The following CSNK1G1 variants were observed in gnomAD, a reference collection of about 807,000 sequenced individuals.
CSNK1G1 encodes the protein casein kinase 1 gamma 1, also known as casein kinase I isoform gamma-1.
In CSNK1G1, 22 loss-of-function variants were observed where a neutral mutation model predicts 59.6. The ratio of observed to expected loss-of-function variants is 0.37; its 90% CI spans 0.26 to 0.53. CSNK1G1 has a LOEUF of 0.53. Ranked by LOEUF, CSNK1G1 falls within the 20% of genes least tolerant of loss-of-function variation. The pLI is 0.89. For synonymous variants in CSNK1G1, 179 were observed against 177.1 expected (o/e 1.01, Z -0.08); for missense variants, 384 against 519.5 (o/e 0.74, Z 2.54).
At chr15:64,277,809 T>TAG (rs1275563591) in intron 2 of CSNK1G1, among the ~76,000 whole-genome samples, 1 of 132,116 alleles carries the variant, frequency 7.6e-6, no homozygotes, top group Non-Finnish European at 1.5e-5. Flanking sequence ...ATTTAATATA[T>TAG]TAATATTGAT....
At chr15:64,192,332 C>T (rs1446073837) in intron 10 of CSNK1G1, among the ~76,000 whole-genome samples, 3 of 152,190 alleles carry the variant, frequency 2.0e-5, no homozygotes, top group African/African-American at 7.2e-5. Flanking sequence ...GTGGTAACTC[C>T]TTGGGGGAAC....
intron 2 of CSNK1G1, among the ~76,000 whole-genome samples, chr15:64,273,778 A>G (rs996466510): frequency 4.6e-5 from 7 of 152,080 alleles, no homozygotes; most frequent in Admixed American, 3.3e-4. Flanking sequence ...AGAGTTTGCA[A>G]TTTTGTGTTG....
intron 4 of CSNK1G1, among the ~76,000 whole-genome samples, chr15:64,224,202 A>C (rs2082426975): frequency 6.6e-6 from 1 of 152,194 alleles, no homozygotes; most frequent in African/African-American, 2.4e-5. Flanking sequence ...AAATAGAATA[A>C]TTTTTCTCCC....
intron 1 of CSNK1G1, chr15:64,348,247 T>C (rs1267102935): frequency 1.3e-5 from 2 of 152,178 alleles, no homozygotes; most frequent in African/African-American, 4.8e-5. Context: ...TGGATACGTG[T>C]CATTATGCAT....
intron 6 of CSNK1G1, among the ~76,000 whole-genome samples, chr15:64,212,922 C>T (rs1355316634): frequency 6.6e-6 from 1 of 152,134 alleles, no homozygotes; most frequent in Non-Finnish European, 1.5e-5. Flanking sequence ...AGGAGAATTG[C>T]TTGAACCCGC....
In CSNK1G1 at chr15:64,315,031, T is replaced by C. The variant is rs1360638366; in HGVS notation, c.-224-14308A>G. ...CTGGATCATGTAGTAATTCTATTTT[T>C]AGTTTTTTGACAAACCTCCATACAG... On this transcript the variant is annotated intron_variant, in intron 1 of 11. Transcript: ENST00000303052. Among the ~76,000 whole-genome samples the C allele has an allele frequency of 2.6e-5, 4 of 152,352 alleles. No homozygotes were observed. In the East Asian group the frequency reaches 7.7e-4, roughly 29 times the overall value.
chr15:64,323,096 CT>C (rs111248356), intron 1 of CSNK1G1, among the ~76,000 whole-genome samples: 2,302 of 151,930 alleles, frequency 0.015, 53 homozygotes, highest in African/African-American at 0.046. Context: ...CTAATTTTTC[CT>C]TTTTTCTTTT....
chr15:64,175,998 A>G (rs1267604750), intron 11 of CSNK1G1, among the ~76,000 whole-genome samples: 1 of 152,246 alleles, frequency 6.6e-6, no homozygotes, highest in African/African-American at 2.4e-5. Flanking sequence ...CTCAGCTAAA[A>G]ATAGATAATT....
chr15:64,229,506 T>TTCTCTCTCTTTC (rs940971156), intron 4 of CSNK1G1, among the ~76,000 whole-genome samples: 6 of 149,296 alleles, frequency 4.0e-5, no homozygotes, highest in Non-Finnish European at 5.9e-5. Context: ...AGGAGGAGTA[T>TTCTCTCTCTTTC]TCTCTCTCTT....
chr15:64,348,701 C>T (rs1221093849), intron 1 of CSNK1G1, among the ~76,000 whole-genome samples: 1 of 152,118 alleles, frequency 6.6e-6, no homozygotes, highest in Non-Finnish European at 1.5e-5. Flanking sequence ...GGCTTGATCA[C>T]AGCTGTGGTT....
chr15:64,193,157 T>C (rs1243398484), intron 10 of CSNK1G1, among the ~76,000 whole-genome samples: 1 of 152,086 alleles, frequency 6.6e-6, no homozygotes, highest in Admixed American at 6.6e-5. Context: ...ATTTCTTTTT[T>C]TTCTTTTATG....
At chr15:64,339,096 G>C (rs993878696) in intron 1 of CSNK1G1, among the ~76,000 whole-genome samples, 1 of 152,064 alleles carries the variant, frequency 6.6e-6, no homozygotes, top group Non-Finnish European at 1.5e-5. Context: ...GGAGAGAAAA[G>C]GGGCTACAGG....
chr15:64,340,124 G>C (rs567669807), intron 1 of CSNK1G1, among the ~76,000 whole-genome samples: 1 of 152,070 alleles, frequency 6.6e-6, no homozygotes, highest in Non-Finnish European at 1.5e-5. Flanking sequence ...TGTCATCGAA[G>C]GTTTGGTCTA....
At chr15:64,196,117 T>C (rs2082035725) in intron 10 of CSNK1G1, among the ~76,000 whole-genome samples, 1 of 151,978 alleles carries the variant, frequency 6.6e-6, no homozygotes, top group South Asian at 2.1e-4. Context: ...TTTGGGAGGC[T>C]GGGGTGGGAG....
At chr15:64,333,257 CA>C (rs60857897) in intron 1 of CSNK1G1, among the ~76,000 whole-genome samples, 7 of 16,508 alleles carry the variant, frequency 4.2e-4, no homozygotes, top group East Asian at 2.6e-3. Context: ...GACTCCATCT[CA>C]AAAAAAAAAA....
At chr15:64,243,332 T>C (rs999175244) in intron 4 of CSNK1G1, among the ~76,000 whole-genome samples, 2 of 151,692 alleles carry the variant, frequency 1.3e-5, no homozygotes, top group Admixed American at 6.6e-5. Flanking sequence ...CGAGACTCCA[T>C]CTCAAAGAAA....
intron 10 of CSNK1G1, among the ~76,000 whole-genome samples, chr15:64,197,567 A>G (rs1272043004): frequency 6.6e-6 from 1 of 152,162 alleles, no homozygotes; most frequent in Non-Finnish European, 1.5e-5. Context: ...TGGGCTGCCA[A>G]TTCTGGTAGA....
intron 10 of CSNK1G1, chr15:64,181,380 G>A (rs1451075756): frequency 6.5e-7 from 1 of 1,535,794 alleles, no homozygotes; most frequent in South Asian, 1.2e-5. Context: ...TGGGAAGTGG[G>A]AAAAGGGGCC....
At chr15:64,209,221 G>T (rs1225426680) in intron 6 of CSNK1G1, among the ~76,000 whole-genome samples, 2 of 152,060 alleles carry the variant, frequency 1.3e-5, no homozygotes, top group Admixed American at 1.3e-4. Flanking sequence ...TTATTTTTCA[G>T]AATCAAGTTT....
Sources: allele counts gnomAD v4.1 joint callset (sites outside exome capture counted in the v4.1 genomes callset), GRCh38; gene constraint gnomAD v4.1.1; transcripts MANE v1.5; gene names NCBI Gene and HGNC (gene_info 2026-07-23, HGNC 2026-07-21).